SLC24A3: variants seen among roughly 807,000 people sequenced by gnomAD.
SLC24A3 encodes solute carrier family 24 member 3, also known as sodium/potassium/calcium exchanger 3.
SLC24A3 carries 28 observed loss-of-function variants against 75.8 expected under a neutral mutation model. That is an observed-to-expected ratio of 0.37 (90% CI 0.27 to 0.51). The LOEUF (loss-of-function observed/expected upper bound fraction) is 0.51, where lower values mean the gene tolerates loss of function less well. Ranked by LOEUF, SLC24A3 falls within the 20% of genes least tolerant of loss-of-function variation. The pLI is 0.94. For synonymous variants in SLC24A3, 372 were observed against 334.1 expected (o/e 1.11, Z -1.24); for missense variants, 663 against 847.8 (o/e 0.78, Z 2.71).
intron 2 of SLC24A3, among the ~76,000 whole-genome samples, chr20:19,409,069 G>A (rs1986700588): frequency 6.6e-6 from 1 of 152,188 alleles, no homozygotes; most frequent in African/African-American, 2.4e-5. Context: ...GTTCCGTGAA[G>A]AGCTCAGTGT....
intron 2 of SLC24A3, among the ~76,000 whole-genome samples, chr20:19,425,087 G>A (rs544752438): frequency 7.9e-5 from 12 of 152,004 alleles, no homozygotes; most frequent in East Asian, 1.9e-4. Context: ...GGCAGATCAC[G>A]AGTTCAGGAG....
chr20:19,476,032 T>C (rs1987957484), intron 2 of SLC24A3, among the ~76,000 whole-genome samples: 1 of 152,168 alleles, frequency 6.6e-6, no homozygotes, highest in Admixed American at 6.5e-5. Flanking sequence ...TGTGGGAAAA[T>C]AGGCAAATGA....
intron 2 of SLC24A3, among the ~76,000 whole-genome samples, chr20:19,356,573 T>A (rs887172403): frequency 6.6e-6 from 1 of 152,204 alleles, no homozygotes. Context: ...CTACCACAGG[T>A]AAGCTAGCTA....
intron 2 of SLC24A3, among the ~76,000 whole-genome samples, chr20:19,302,427 T>C (rs1163081341): frequency 6.6e-6 from 1 of 152,240 alleles, no homozygotes. Context: ...TACAGAAAAC[T>C]GTAAAGGAAA....
chr20:19,498,223 G>A (rs1988325664), intron 2 of SLC24A3, among the ~76,000 whole-genome samples: 1 of 152,108 alleles, frequency 6.6e-6, no homozygotes, highest in African/African-American at 2.4e-5. Flanking sequence ...ACATGGAGGT[G>A]AGTTGTATAA....
chr20:19,394,105 G>T (rs1236651133), intron 2 of SLC24A3, among the ~76,000 whole-genome samples: 1 of 152,160 alleles, frequency 6.6e-6, no homozygotes, highest in Non-Finnish European at 1.5e-5. Context: ...ATTCAATGGG[G>T]AAAGGACAGT....
At chr20:19,365,343 ATC>A (rs1055926390) in intron 2 of SLC24A3, among the ~76,000 whole-genome samples, 83 of 152,150 alleles carry the variant, frequency 5.5e-4, no homozygotes, top group African/African-American at 2.0e-3. Context: ...GGGCCCCAGG[ATC>A]TGAGTTTCCC....
At chr20:19,461,524 T>C (rs79855432) in intron 2 of SLC24A3, among the ~76,000 whole-genome samples, 3,548 of 140,100 alleles carry the variant, frequency 0.025, 147 homozygotes, top group African/African-American at 0.088. Context: ...TCTTTTCTTT[T>C]TTTTCTTTTT....
At chr20:19,401,620 G>C (rs1443500529) in intron 2 of SLC24A3, among the ~76,000 whole-genome samples, 3 of 152,200 alleles carry the variant, frequency 2.0e-5, no homozygotes, top group Non-Finnish European at 4.4e-5. Flanking sequence ...TGGAGCAGCT[G>C]CTGTCAGGAC....
At chr20:19,322,304 A>G (rs1984726311) in intron 2 of SLC24A3, among the ~76,000 whole-genome samples, 1 of 151,062 alleles carries the variant, frequency 6.6e-6, no homozygotes, top group Non-Finnish European at 1.5e-5. Context: ...CTCTAAATAT[A>G]CCCCTCCCCT....
At chr20:19,352,063 G>A (rs1391697095) in intron 2 of SLC24A3, among the ~76,000 whole-genome samples, 1 of 151,844 alleles carries the variant, frequency 6.6e-6, no homozygotes, top group Non-Finnish European at 1.5e-5. Context: ...GCAGGGGAGG[G>A]GCTGCACAGG....
intron 6 of SLC24A3, among the ~76,000 whole-genome samples, chr20:19,629,428 G>C (rs79227765): frequency 0.078 from 11,876 of 152,142 alleles, 630 homozygotes; most frequent in Non-Finnish European, 0.1. Flanking sequence ...CGATCAAGTG[G>C]ACCAATGTAC....
intron 12 of SLC24A3, among the ~76,000 whole-genome samples, chr20:19,686,601 G>C (rs906164464): frequency 6.6e-6 from 1 of 152,190 alleles, no homozygotes; most frequent in African/African-American, 2.4e-5. Context: ...TGACTTGAAA[G>C]CCCATTTAAT....
At chr20:19,611,024 G>A (rs183652092) in intron 6 of SLC24A3, among the ~76,000 whole-genome samples, 24 of 152,206 alleles carry the variant, frequency 1.6e-4, no homozygotes, top group Non-Finnish European at 2.6e-4. Context: ...AGGGCACAGC[G>A]TCCACTCTTC....
At chr20:19,542,490 G>C (rs928732213) in intron 3 of SLC24A3, among the ~76,000 whole-genome samples, 13 of 152,150 alleles carry the variant, frequency 8.5e-5, no homozygotes, top group Non-Finnish European at 1.5e-4. Flanking sequence ...TCTTCCTGCT[G>C]TGTTGTTGTT....
intron 3 of SLC24A3, among the ~76,000 whole-genome samples, chr20:19,547,788 G>C (rs549873886): frequency 2.6e-5 from 4 of 152,246 alleles, no homozygotes; most frequent in Non-Finnish European, 5.9e-5. Flanking sequence ...GCCAGGGCAA[G>C]AGAAAAATTC....
intron 2 of SLC24A3, among the ~76,000 whole-genome samples, chr20:19,445,398 GTATTTA>G (rs1277140904): frequency 6.6e-6 from 1 of 152,220 alleles, no homozygotes; most frequent in Non-Finnish European, 1.5e-5. Context: ...GCATGGATTT[GTATTTA>G]TGCACAATGC....
chr20:19,694,335 T>A (rs1370315482), intron 13 of SLC24A3: 9 of 152,196 alleles, frequency 5.9e-5, no homozygotes. Context: ...GATAGAAATG[T>A]AATATAAATT....
chr20:19,451,067 C>A (rs1600234623), intron 2 of SLC24A3, among the ~76,000 whole-genome samples: 2 of 152,068 alleles, frequency 1.3e-5, no homozygotes, highest in East Asian at 3.9e-4. Context: ...CATTATGTGA[C>A]CCAGGTGCTG....
Sources: allele counts gnomAD v4.1 joint callset (sites outside exome capture counted in the v4.1 genomes callset), GRCh38; gene constraint gnomAD v4.1.1; transcripts MANE v1.5; gene names NCBI Gene and HGNC (gene_info 2026-07-23, HGNC 2026-07-21).